The following SEMA7A variants were observed in gnomAD, a reference collection of about 807,000 sequenced individuals.
The protein encoded by SEMA7A is semaphorin 7A (JohnMiltonHagen blood group), also known as semaphorin-7A.
Under a neutral mutation model 67.5 loss-of-function variants are expected in SEMA7A, and 21 were observed. The observed-to-expected ratio is 0.31, with a 90% CI of 0.22 to 0.45. The LOEUF (loss-of-function observed/expected upper bound fraction) is 0.45. Among genes scored for constraint, SEMA7A ranks in the 20% least tolerant of loss-of-function variants. SEMA7A has a pLI of 1.00. For synonymous variants in SEMA7A, 364 were observed against 368.5 expected (o/e 0.99, Z 0.14); for missense variants, 774 against 908.6 (o/e 0.85, Z 1.90).
At position 74,410,850 on chromosome 15, in the gene SEMA7A, T is replaced by G. The variant is rs201279645; in HGVS notation, c.1775A>C (p.Gln592Pro). ...GATGAACAGGATGCAGTTGGGGCTC[T>G]GGTGACCAGGTTCGCAGCTCTGCTC... ...NVEQSCEPGH[Q>P]SPNCILFIEN... is the part of the protein sequence containing the mutation. Residue 592 changes from glutamine (Q) to proline (P), a missense_variant, in exon 14 of 14, where the codon CAG (glutamine) becomes CCG (proline). Physicochemically the swap from Gln to Pro is moderately conservative, Grantham distance 76. Coordinates refer to ENST00000261918, the MANE Select transcript of SEMA7A (RefSeq NM_003612.5). This position sits in a 1 kb window ranked among gnomAD's most constrained non-coding sequence, Gnocchi z 7.5. 3 of 1,614,222 alleles carry G rather than the reference T, an allele frequency of 1.9e-6. No homozygotes were observed. The highest frequency in any genetic ancestry group is 1.7e-5 in the Admixed American group (1 of 60,028).
chr15:74,422,533 G>A (rs540836446), intron 1 of SEMA7A, among the ~76,000 whole-genome samples: 2 of 152,260 alleles, frequency 1.3e-5, no homozygotes, highest in African/African-American at 2.4e-5. Context: ...AGGCTGCCCC[G>A]TACCCAGCCG....
At position 74,416,467 on chromosome 15, in the gene SEMA7A, T is replaced by C. The variant is rs1463701732; in HGVS notation, c.801+108A>G. The stretch of plus-strand genomic sequence containing the variant: ...CCCACAGTCCCTGACACAGACCCAC[T>C]CATACATCCACACAACTTCTACATG... On this transcript the variant is annotated intron_variant, in intron 7 of 13. Coordinates refer to ENST00000261918, the MANE Select transcript of SEMA7A (RefSeq NM_003612.5). 3 of 1,206,150 alleles carry C rather than the reference T, an allele frequency of 2.5e-6. No homozygotes were observed. In the East Asian group the frequency reaches 7.4e-5, roughly 30 times the overall value. 74.7% of individuals were successfully genotyped at this position (1,206,150 alleles called of 1,614,324 possible). A position where few individuals can be genotyped will look rare whatever the true frequency, so the allele number is the denominator to read the frequency against.
At chr15:74,415,361 C>G (rs1181499597) in intron 8 of SEMA7A, among the ~76,000 whole-genome samples, 1 of 152,164 alleles carries the variant, frequency 6.6e-6, no homozygotes, top group Non-Finnish European at 1.5e-5. Context: ...ATCCCTAACT[C>G]TCCCCACACA....
intron 1 of SEMA7A, among the ~76,000 whole-genome samples, chr15:74,422,564 T>C (rs925223781): frequency 2.0e-5 from 3 of 152,122 alleles, no homozygotes; most frequent in Non-Finnish European, 4.4e-5. Context: ...TTCCCCTGAG[T>C]ACCATTTCTC....
intron 1 of SEMA7A, among the ~76,000 whole-genome samples, chr15:74,425,554 A>G (rs2061037867): frequency 1.3e-5 from 2 of 152,210 alleles, no homozygotes; most frequent in Admixed American, 1.3e-4. Flanking sequence ...GTTAGAGGCT[A>G]CTTGGCTAAT....
At position 74,414,317 on chromosome 15, in the gene SEMA7A, C is replaced by T. The variant is rs2060926688; in HGVS notation, c.1294+230G>A. 6.6e-6 allele frequency among the ~76,000 whole-genome samples: 1 copy of T among 152,176 alleles called. No individual in the cohort carries two copies. The highest frequency in any genetic ancestry group is 1.5e-5 in the Non-Finnish European group (1 of 68,030). The stretch of plus-strand genomic sequence containing the variant: ...ACTCTCCAGATTTCCGCCTCCAAAT[C>T]CCAGTGCTTGCTTTTCTCCCATCCC... On this transcript the variant is annotated intron_variant, in intron 10 of 13. Transcript: ENST00000261918. This position sits in a 1 kb window ranked among gnomAD's most constrained non-coding sequence, Gnocchi z 4.1.
intron 1 of SEMA7A, among the ~76,000 whole-genome samples, chr15:74,431,131 T>C (rs899755684): frequency 6.6e-6 from 1 of 152,154 alleles, no homozygotes; most frequent in African/African-American, 2.4e-5. Flanking sequence ...TGCAATCTAC[T>C]CCCTTACAGT....
chr15:74,420,684 G>A (rs2060992926), intron 1 of SEMA7A, among the ~76,000 whole-genome samples: 1 of 152,114 alleles, frequency 6.6e-6, no homozygotes, highest in African/African-American at 2.4e-5. Flanking sequence ...TTAGAGTGCT[G>A]GGGTCACAGA....
chr15:74,432,580 G>A lies in SEMA7A; in HGVS notation c.178+1161C>T, dbSNP rs560848838. ...TCCCTCAGCTACTGCGGCAGTTCGGGCCACTCGTTTTGTGTATGGTTTTTT... is the reference window on the plus strand; with the variant it reads ...TCCCTCAGCTACTGCGGCAGTTCGGACCACTCGTTTTGTGTATGGTTTTTT... On this transcript the variant is annotated intron_variant, in intron 1 of 13. Transcript: ENST00000261918. Among the ~76,000 whole-genome samples, 3 of 152,276 alleles carry A rather than the reference G, an allele frequency of 2.0e-5. No individual in the cohort carries two copies. In the East Asian group the frequency reaches 5.8e-4, roughly 29 times the overall value.
intron 7 of SEMA7A, among the ~76,000 whole-genome samples, chr15:74,416,318 A>AACAC (rs371685466): frequency 1.9e-4 from 28 of 148,124 alleles, no homozygotes; most frequent in Admixed American, 4.7e-4. Flanking sequence ...ACACAGGCAA[A>AACAC]ACACACACAC....
intron 1 of SEMA7A, among the ~76,000 whole-genome samples, chr15:74,426,803 C>T (rs2061047431): frequency 6.6e-6 from 1 of 152,186 alleles, no homozygotes; most frequent in Admixed American, 6.5e-5. Flanking sequence ...TGCTCTGAAG[C>T]TGACCACAGT....
In SEMA7A at chr15:74,418,304, A is replaced by G. The variant is rs1355755857; in HGVS notation, c.336T>C (p.Asn112=). The change falls in exon 3 of 14, where the codon AAT becomes AAC. Residue 112 remains asparagine, a synonymous_variant. Coordinates refer to ENST00000261918, the MANE Select transcript of SEMA7A (RefSeq NM_003612.5). ...EGKNASVRTV[N]IGSTKGSCLD... ...GACAGGACCCCTTTGTGGAGCCGAT[A>G]TTCACCTGGGGGAAGGGGAGAAGCA... is the stretch of plus-strand genomic sequence containing the variant. The G allele has an allele frequency of 1.2e-6, 2 of 1,611,632 alleles. No individual in the cohort carries two copies. Among genetic ancestry groups the G allele is most frequent in the African/African-American group, 1.3e-5 (1 of 74,836 alleles).
At chr15:74,428,729 T>C (rs1244220719) in intron 1 of SEMA7A, among the ~76,000 whole-genome samples, 1 of 152,150 alleles carries the variant, frequency 6.6e-6, no homozygotes, top group Non-Finnish European at 1.5e-5. Context: ...GTGCCATGTG[T>C]TCTGGATGGG....
At position 74,411,907 on chromosome 15, in the gene SEMA7A, G is replaced by A; in HGVS notation, c.1400C>T (p.Thr467Ile). 6.2e-7 allele frequency: 1 copy of A among 1,614,014 alleles called. No individual in the cohort carries two copies. The highest frequency in any genetic ancestry group is 1.1e-5 in the South Asian group (1 of 91,090). ...CACCCGCTCAGCATCCAGCGACATG[G>A]TCTGGATGGCAGCCGCGCGGCGGAA... ...QPFRRAAAIQ[T>I]MSLDAERRKL... Residue 467 changes from threonine (T) to isoleucine (I), a missense_variant, in exon 11 of 14, where the codon ACC (threonine) becomes ATC (isoleucine). Physicochemically the swap from Thr to Ile is moderately conservative, Grantham distance 89 (BLOSUM62 -1). Coordinates refer to ENST00000261918, the MANE Select transcript of SEMA7A (RefSeq NM_003612.5). The surrounding 1 kb of genome is among the most constrained non-coding windows in gnomAD (Gnocchi z 4.4).
At position 74,420,573 on chromosome 15, in the gene SEMA7A, T is replaced by A. The variant is rs1009917202; in HGVS notation, c.179-1621A>T. On this transcript the variant is annotated intron_variant, in intron 1 of 13. Coordinates refer to ENST00000261918, the MANE Select transcript of SEMA7A (RefSeq NM_003612.5). Reference sequence around the variant, plus strand: ...CCTCCCTCCCTGTAGGCCCGAGATGTGCAGAGCAAGGGCTGAGAGGTACTG... The same window carrying A: ...CCTCCCTCCCTGTAGGCCCGAGATGAGCAGAGCAAGGGCTGAGAGGTACTG... 5.9e-5 allele frequency among the ~76,000 whole-genome samples: 9 copies of A among 152,108 alleles called. 1 individual carries two copies. The highest frequency in any genetic ancestry group is 2.2e-4 in the African/African-American group (9 of 41,432).
intron 6 of SEMA7A, among the ~76,000 whole-genome samples, 191 bp from the exon 7 acceptor site, chr15:74,416,905 T>G (rs1222777016): frequency 6.6e-6 from 1 of 152,172 alleles, no homozygotes; most frequent in Non-Finnish European, 1.5e-5. Flanking sequence ...CACACCTGTT[T>G]TGCCCTCTTC....
intron 1 of SEMA7A, 135 bp from the exon 2 acceptor site, chr15:74,419,087 T>C: frequency 9.9e-7 from 1 of 1,010,500 alleles, no homozygotes; most frequent in South Asian, 1.6e-5. Context: ...AGCTCTGGGC[T>C]GGGGTGGTAC....
At chr15:74,428,411 T>A (rs964912593) in intron 1 of SEMA7A, among the ~76,000 whole-genome samples, 4 of 152,172 alleles carry the variant, frequency 2.6e-5, no homozygotes, top group African/African-American at 9.7e-5. Context: ...CTCGGGCCAG[T>A]CCCTGTCATC....
chr15:74,429,615 G>C (rs904098832), intron 1 of SEMA7A, among the ~76,000 whole-genome samples: 1 of 152,188 alleles, frequency 6.6e-6, no homozygotes, highest in Non-Finnish European at 1.5e-5. Context: ...GCCAGCACTC[G>C]AGAGGCCTTC....
Sources: gnomAD v4.1 joint callset for allele counts (sites outside exome capture counted in the v4.1 genomes callset) on GRCh38, gnomAD v4.1.1 for gene constraint, Gnocchi (gnomAD v3.1) non-coding constraint, MANE v1.5 for transcripts, NCBI Gene and HGNC (gene_info 2026-07-23, HGNC 2026-07-21) for gene names.